Variants in TAMM41 observed in about 807,000 individuals in gnomAD.
The protein encoded by TAMM41 is phosphatidate cytidylyltransferase, mitochondrial.
Under a neutral mutation model 44.1 loss-of-function variants are expected in TAMM41, and 36 were observed. That is an observed-to-expected ratio of 0.82 (90% CI 0.63 to 1.08). TAMM41 has a LOEUF of 1.08. Ranked by LOEUF, TAMM41 falls within the 50% of genes least tolerant of loss-of-function variation. The probability of loss-of-function intolerance (pLI) is 0.00; values close to 1 mark genes in which losing one functional copy is unlikely to be tolerated. For missense variants in TAMM41, 417 were observed against 404.3 expected, an observed-to-expected ratio of 1.03 and a Z score of -0.27; for synonymous variants, 164 against 153.1, an observed-to-expected ratio of 1.07 and a Z score of -0.53.
chr3:11,756,809 G>A, the TAMM41 span, among the ~76,000 whole-genome samples: 1 of 151,330 alleles, frequency 6.6e-6, no homozygotes. Context: ...AGGTTGCGGT[G>A]AGCTGAGATT....
chr3:11,827,363 G>A (rs1355326233), intron 4 of TAMM41, among the ~76,000 whole-genome samples: 1 of 150,158 alleles, frequency 6.7e-6, no homozygotes, highest in East Asian at 1.9e-4. Flanking sequence ...AGGCTGGAGT[G>A]CACTGGCATG....
intron 5 of TAMM41, among the ~76,000 whole-genome samples, chr3:11,813,650 C>G (rs1004998431): frequency 1.3e-4 from 20 of 151,984 alleles, no homozygotes; most frequent in Non-Finnish European, 2.9e-5. Context: ...GTGCCTCATT[C>G]TTTAAAAACA....
At chr3:11,839,350 A>G in intron 2 of TAMM41, 36 bp from the exon 3 acceptor site, 1 of 1,321,170 alleles carries the variant, frequency 7.6e-7, no homozygotes, top group Non-Finnish European at 1.1e-6. Context: ...AACGGAGTAA[A>G]ATACCATGTT....
At chr3:11,765,827 G>A in the TAMM41 span, among the ~76,000 whole-genome samples, 1 of 151,496 alleles carries the variant, frequency 6.6e-6, no homozygotes, top group Non-Finnish European at 1.5e-5. Context: ...TCAGTCTCCC[G>A]AGTAGCTGGG....
At chr3:11,811,916 T>G (rs2078098559) in intron 5 of TAMM41, among the ~76,000 whole-genome samples, 1 of 152,176 alleles carries the variant, frequency 6.6e-6, no homozygotes, top group Admixed American at 6.5e-5. Context: ...TATTCATCAA[T>G]AAAGCTAATA....
chr3:11,798,884 A>G (rs770058774), intron 7 of TAMM41, among the ~76,000 whole-genome samples: 8 of 152,212 alleles, frequency 5.3e-5, no homozygotes, highest in Non-Finnish European at 1.0e-4. Context: ...AAGAAGAAAA[A>G]CCAGACACAA....
At chr3:11,837,850 C>T (rs554957209) in intron 3 of TAMM41, among the ~76,000 whole-genome samples, 2 of 152,226 alleles carry the variant, frequency 1.3e-5, no homozygotes, top group East Asian at 1.9e-4. Flanking sequence ...ACTTGGAGCC[C>T]GATCCAGTCA....
At chr3:11,740,369 G>T in the TAMM41 span, among the ~76,000 whole-genome samples, 18 of 151,958 alleles carry the variant, frequency 1.2e-4, no homozygotes, top group African/African-American at 4.1e-4. Flanking sequence ...ATACAGAGGG[G>T]TCCCATGTAT....
the TAMM41 span, among the ~76,000 whole-genome samples, chr3:11,780,423 C>G: frequency 2.0e-5 from 3 of 152,220 alleles, no homozygotes; most frequent in Admixed American, 6.5e-5. Context: ...GGCTAGACAT[C>G]ACTTGCTGCT....
the TAMM41 span, among the ~76,000 whole-genome samples, chr3:11,727,334 G>A: frequency 6.6e-6 from 1 of 152,210 alleles, no homozygotes; most frequent in Non-Finnish European, 1.5e-5. Context: ...AGCATCCCCT[G>A]AGAGCCTGCT....
Position 11,846,865 on chromosome 3 carries a change from T to A in TAMM41, c.-229A>T, listed in dbSNP as rs541467068. The stretch of plus-strand genomic sequence containing the variant: ...CCAGATAGGCTCGGGTGGGCGGCGG[T>A]CGCACAGGCAGAGCTTCCGTCCCTT... On this transcript the variant is annotated 5_prime_UTR_variant, in exon 1 of 8. Coordinates refer to ENST00000455809, the MANE Select transcript of TAMM41 (RefSeq NM_001284401.2). The A allele has an allele frequency of 5.4e-6, 3 of 554,558 alleles. No individual in the cohort carries two copies. The highest frequency in any genetic ancestry group is 4.1e-5 in the South Asian group (2 of 49,292). The allele number at this position is 554,558 out of a possible 1,614,324, so 34.4% of individuals were successfully genotyped here.
At chr3:11,735,528 G>C in the TAMM41 span, among the ~76,000 whole-genome samples, 1 of 151,956 alleles carries the variant, frequency 6.6e-6, no homozygotes, top group Non-Finnish European at 1.5e-5. Context: ...CAGCTACTTG[G>C]GGGTGCTGAG....
At chr3:11,844,827 T>A (rs2079604018) in intron 1 of TAMM41, 1 of 439,292 alleles carries the variant, frequency 2.3e-6, no homozygotes, top group Non-Finnish European at 4.6e-6. Context: ...GCTCAGAGTC[T>A]ACTGGAGAGA....
At chr3:11,777,298 A>G in the TAMM41 span, among the ~76,000 whole-genome samples, 9 of 152,196 alleles carry the variant, frequency 5.9e-5, no homozygotes, top group Admixed American at 1.3e-4. Context: ...GAGGAAAAAA[A>G]GGTAACTATT....
chr3:11,821,697 G>A (rs569162301), intron 4 of TAMM41, among the ~76,000 whole-genome samples: 66 of 152,304 alleles, frequency 4.3e-4, no homozygotes, highest in African/African-American at 1.2e-3. Context: ...TAGAGGAAGC[G>A]CTGGGTCTTG....
chr3:11,783,709 G>A, the TAMM41 span, among the ~76,000 whole-genome samples: 1 of 152,188 alleles, frequency 6.6e-6, no homozygotes, highest in African/African-American at 2.4e-5. Flanking sequence ...GGCACCTATT[G>A]TGTGCTTAGC....
chr3:11,733,003 TG>T, the TAMM41 span, among the ~76,000 whole-genome samples: 45,165 of 134,714 alleles, frequency 0.34, 8,286 homozygotes, highest in Middle Eastern at 0.45. Flanking sequence ...TTTTTTTGTT[TG>T]TTTGTTTGTT....
the TAMM41 span, among the ~76,000 whole-genome samples, chr3:11,746,867 C>T: frequency 6.6e-6 from 1 of 152,042 alleles, no homozygotes; most frequent in Admixed American, 6.6e-5. Flanking sequence ...AACCCCTGGG[C>T]TCAAATGATC....
chr3:11,724,781 G>A, the TAMM41 span: 2 of 152,164 alleles, frequency 1.3e-5, no homozygotes, highest in African/African-American at 4.8e-5. Flanking sequence ...AAAAAAAAGT[G>A]CAGAGTAGGA....
Sources: allele counts gnomAD v4.1 joint callset (sites outside exome capture counted in the v4.1 genomes callset), GRCh38; gene constraint gnomAD v4.1.1; transcripts MANE v1.5; gene names NCBI Gene and HGNC (gene_info 2026-07-23, HGNC 2026-07-21).